The following PSPC1 variants were observed in gnomAD, a reference collection of about 807,000 sequenced individuals.
PSPC1 encodes paraspeckle component 1, also known as paraspeckle protein 1.
A neutral mutation model predicts 51.6 loss-of-function variants in PSPC1; 14 were observed. The observed-to-expected ratio is 0.27, with a 90% CI of 0.18 to 0.42. The LOEUF (loss-of-function observed/expected upper bound fraction) is 0.42. Among genes scored for constraint, PSPC1 ranks in the 10% least tolerant of loss-of-function variants. The pLI is 1.00. For missense variants in PSPC1, 406 were observed against 701.1 expected (o/e 0.58, Z 4.75); for synonymous variants, 193 against 231.9 (o/e 0.83, Z 1.53).
At chr13:19,687,233 C>T (rs1877998643) in intron 6 of PSPC1, among the ~76,000 whole-genome samples, 1 of 151,878 alleles carries the variant, frequency 6.6e-6, no homozygotes, top group African/African-American at 2.4e-5. Context: ...AAAATAAAGC[C>T]ATCTTTAGTA....
Position 19,751,438 on chromosome 13 carries a change from T to C in PSPC1, c.800A>G (p.Gln267Arg), listed in dbSNP as rs1410168122. Residue 267 changes from glutamine (Q) to arginine (R), a missense_variant, in exon 4 of 9, where the codon CAA (glutamine) becomes CGA (arginine). Coordinates refer to ENST00000338910, the MANE Select transcript of PSPC1 (RefSeq NM_001354909.2). Reference sequence around the variant, plus strand: ...ATACTCAAATTCAAATGTCCCAGGTTGAGCAAAACGTGGTGGTTGTTCTCT... The same window carrying C: ...ATACTCAAATTCAAATGTCCCAGGTCGAGCAAAACGTGGTGGTTGTTCTCT... Reference protein sequence around the residue: ...KEREQPPRFAQPGTFEFEYAS... With the variant: ...KEREQPPRFARPGTFEFEYAS... 4 of 1,544,210 alleles carry C rather than the reference T, an allele frequency of 2.6e-6. No individual in the cohort carries two copies. Among genetic ancestry groups the C allele is most frequent in the Non-Finnish European group, 3.5e-6 (4 of 1,151,180 alleles).
intron 8 of PSPC1, among the ~76,000 whole-genome samples, chr13:19,703,756 T>C (rs1190051259): frequency 1.3e-5 from 2 of 151,818 alleles, no homozygotes; most frequent in African/African-American, 4.8e-5. Context: ...GAAATAAAAC[T>C]GGGGAGCAGC....
At chr13:19,676,982 C>A (rs1054270691) in intron 7 of PSPC1, among the ~76,000 whole-genome samples, 1 of 152,188 alleles carries the variant, frequency 6.6e-6, no homozygotes, top group Non-Finnish European at 1.5e-5. Flanking sequence ...CGCCTCTAAT[C>A]CCAGCACTTT....
At chr13:19,758,743 G>GA (rs1244808867) in intron 3 of PSPC1, among the ~76,000 whole-genome samples, 2 of 151,854 alleles carry the variant, frequency 1.3e-5, no homozygotes, top group East Asian at 1.9e-4. Flanking sequence ...GCTGAGGAAG[G>GA]AGAATTGCTT....
At chr13:19,677,232 CAAAAAA>C (rs144841164) in intron 7 of PSPC1, among the ~76,000 whole-genome samples, 4 of 119,168 alleles carry the variant, frequency 3.4e-5, no homozygotes, top group Non-Finnish European at 5.3e-5. Flanking sequence ...GACTCCGTCT[CAAAAAA>C]AAAAAAAAAA....
At chr13:19,769,660 G>A (rs551010806) in intron 2 of PSPC1, among the ~76,000 whole-genome samples, 51 of 152,146 alleles carry the variant, frequency 3.4e-4, no homozygotes, top group African/African-American at 1.2e-3. Context: ...GCTTGAACCC[G>A]GGAGGCAGAC....
At chr13:19,751,734 GA>G (rs1396719549) in intron 3 of PSPC1, among the ~76,000 whole-genome samples, 1 of 152,120 alleles carries the variant, frequency 6.6e-6, no homozygotes, top group Admixed American at 6.6e-5. Context: ...TCTGCTTTTG[GA>G]GGTTTCATTT....
chr13:19,732,627 G>T (rs547905622), intron 5 of PSPC1, among the ~76,000 whole-genome samples: 1 of 152,038 alleles, frequency 6.6e-6, no homozygotes, highest in Admixed American at 6.6e-5. Context: ...CCTGAATGAG[G>T]ATACATAGAA....
intron 6 of PSPC1, among the ~76,000 whole-genome samples, chr13:19,721,458 C>T (rs1882756265): frequency 6.6e-6 from 1 of 152,094 alleles, no homozygotes; most frequent in Non-Finnish European, 1.5e-5. Flanking sequence ...CTTACCATTT[C>T]AAATGAAAAG....
chr13:19,769,909 C>G (rs1486606755), intron 2 of PSPC1, among the ~76,000 whole-genome samples: 1 of 152,108 alleles, frequency 6.6e-6, no homozygotes, highest in East Asian at 1.9e-4. Context: ...AAACATACAG[C>G]AATTTACCCC....
chr13:19,714,838 T>C (rs150942607), intron 6 of PSPC1, among the ~76,000 whole-genome samples: 19 of 152,072 alleles, frequency 1.2e-4, no homozygotes, highest in African/African-American at 3.9e-4. Flanking sequence ...AGTTTTACAG[T>C]AGTATCAAAA....
At chr13:19,778,987 CAT>C (rs1473064810) in intron 1 of PSPC1, among the ~76,000 whole-genome samples, 1 of 141,528 alleles carries the variant, frequency 7.1e-6, no homozygotes, top group Non-Finnish European at 1.6e-5. Context: ...CCCGGCCGCC[CAT>C]CGTCTGAGAT....
chr13:19,682,512 A>C (rs1285305109), intron 6 of PSPC1, among the ~76,000 whole-genome samples: 1 of 150,858 alleles, frequency 6.6e-6, no homozygotes, highest in African/African-American at 2.4e-5. Context: ...AAAAAGCAGT[A>C]TATAAAGGGT....
intron 4 of PSPC1, among the ~76,000 whole-genome samples, chr13:19,745,883 A>G (rs1231466004): frequency 1.3e-5 from 2 of 151,922 alleles, no homozygotes. Context: ...TAAACCTCAC[A>G]TGTATTTAAA....
At chr13:19,671,354 C>T, downstream of PSPC1, 1 of 1,448,570 alleles carries the variant, frequency 6.9e-7, no homozygotes, top group Non-Finnish European at 9.6e-7. Flanking sequence ...ACTTTATCAA[C>T]ATTAGAAAAA....
chr13:19,697,376 A>G (rs1445509880), intron 6 of PSPC1, among the ~76,000 whole-genome samples: 1 of 152,154 alleles, frequency 6.6e-6, no homozygotes, highest in Non-Finnish European at 1.5e-5. Flanking sequence ...TTAGAGGACA[A>G]GTTTTTTTCC....
intron 6 of PSPC1, among the ~76,000 whole-genome samples, chr13:19,681,200 G>A (rs1877233341): frequency 6.6e-6 from 1 of 152,118 alleles, no homozygotes; most frequent in African/African-American, 2.4e-5. Flanking sequence ...GGGTGACAGA[G>A]TGACACTCTA....
chr13:19,762,661 T>C (rs1593743072), intron 2 of PSPC1, among the ~76,000 whole-genome samples: 2 of 152,218 alleles, frequency 1.3e-5, no homozygotes, highest in East Asian at 3.8e-4. Context: ...CTTAAGGGAC[T>C]GTGTCTTATT....
At chr13:19,708,475 CATTTCAA>C (rs1308641124) in intron 7 of PSPC1, among the ~76,000 whole-genome samples, 2 of 152,128 alleles carry the variant, frequency 1.3e-5, no homozygotes, top group Non-Finnish European at 2.9e-5. Flanking sequence ...AAATGTATGA[CATTTCAA>C]ATTTCAAATT....
Sources: allele counts gnomAD v4.1 joint callset (sites outside exome capture counted in the v4.1 genomes callset), GRCh38; gene constraint gnomAD v4.1.1; transcripts MANE v1.5; gene names NCBI Gene and HGNC (gene_info 2026-07-23, HGNC 2026-07-21).